CSMD3: variants seen among roughly 807,000 people sequenced by gnomAD.
CSMD3 encodes the protein CUB and Sushi multiple domains 3.
Under a neutral mutation model 435.2 loss-of-function variants are expected in CSMD3, and 177 were observed. That is an observed-to-expected ratio of 0.41 (90% CI 0.36 to 0.46). CSMD3 has a LOEUF of 0.46. CSMD3 is among the 20% of genes least tolerant of loss of function. CSMD3 has a pLI of 0.34. For missense variants in CSMD3, 4,265 were observed against 4,504.6 expected (o/e 0.95, Z 1.52); for synonymous variants, 1,656 against 1,520.5 (o/e 1.09, Z -2.07).
intron 16 of CSMD3, among the ~76,000 whole-genome samples, chr8:112,671,380 G>A (rs957229675): frequency 6.6e-6 from 1 of 151,858 alleles, no homozygotes; most frequent in African/African-American, 2.4e-5. Context: ...CTCTCTCTGT[G>A]GGAGAGTGGG....
chr8:113,021,640 C>T (rs934609682), intron 5 of CSMD3, among the ~76,000 whole-genome samples: 1 of 151,918 alleles, frequency 6.6e-6, no homozygotes, highest in Non-Finnish European at 1.5e-5. Context: ...ACAAAATGTT[C>T]AATAAAAATG....
chr8:112,829,609 T>C, intron 12 of CSMD3, 77 bp downstream of exon 12: 1 of 811,512 alleles, frequency 1.2e-6, no homozygotes, highest in South Asian at 1.4e-5. Context: ...GAGCGATCAA[T>C]GTAAAACAAT....
chr8:112,545,742 C>T (rs1827130214), intron 27 of CSMD3, among the ~76,000 whole-genome samples: 1 of 151,990 alleles, frequency 6.6e-6, no homozygotes, highest in Non-Finnish European at 1.5e-5. Flanking sequence ...TCAGATGTAA[C>T]CATGCATTAT....
chr8:113,151,261 T>C (rs2091798722), intron 4 of CSMD3, among the ~76,000 whole-genome samples: 1 of 152,010 alleles, frequency 6.6e-6, no homozygotes, highest in African/African-American at 2.4e-5. Context: ...AATACTATTA[T>C]CTATTTTCTA....
At chr8:113,261,384 C>T (rs2093426070) in intron 3 of CSMD3, among the ~76,000 whole-genome samples, 1 of 152,082 alleles carries the variant, frequency 6.6e-6, no homozygotes, top group African/African-American at 2.4e-5. Flanking sequence ...CTCTAATTAG[C>T]ATGTATTTTT....
At chr8:112,916,634 A>G (rs1032382018) in intron 10 of CSMD3, among the ~76,000 whole-genome samples, 6 of 151,940 alleles carry the variant, frequency 3.9e-5, no homozygotes, top group Non-Finnish European at 8.8e-5. Context: ...AACTACAGAA[A>G]AACACCTGCT....
At chr8:113,305,528 A>G (rs1227368673) in intron 2 of CSMD3, among the ~76,000 whole-genome samples, 1 of 152,148 alleles carries the variant, frequency 6.6e-6, no homozygotes, top group Non-Finnish European at 1.5e-5. Flanking sequence ...AAGTGTTTAA[A>G]CTTGCTTATT....
At chr8:113,128,732 T>G (rs1330083816) in intron 4 of CSMD3, among the ~76,000 whole-genome samples, 1 of 152,074 alleles carries the variant, frequency 6.6e-6, no homozygotes, top group Admixed American at 6.6e-5. Flanking sequence ...TTCCAATAAC[T>G]GCTTATAATT....
chr8:112,435,087 G>C (rs1814174052), intron 32 of CSMD3, among the ~76,000 whole-genome samples: 1 of 152,078 alleles, frequency 6.6e-6, no homozygotes, highest in African/African-American at 2.4e-5. Context: ...TGAAGATTTT[G>C]CAGGGGAAAA....
chr8:112,906,579 C>T (rs1029918577), intron 10 of CSMD3, among the ~76,000 whole-genome samples: 3 of 151,496 alleles, frequency 2.0e-5, no homozygotes, highest in East Asian at 3.9e-4. Flanking sequence ...AAGGTTTGGG[C>T]CAGTGCAATA....
intron 13 of CSMD3, among the ~76,000 whole-genome samples, chr8:112,797,232 G>A (rs1210853175): frequency 1.3e-5 from 2 of 151,752 alleles, no homozygotes; most frequent in Non-Finnish European, 2.9e-5. Flanking sequence ...TATATGTTTT[G>A]GAGTCCTAAG....
chr8:112,420,219 A>G (rs1439787351), intron 32 of CSMD3, among the ~76,000 whole-genome samples: 1 of 152,038 alleles, frequency 6.6e-6, no homozygotes, highest in East Asian at 1.9e-4. Context: ...CCATCACCCA[A>G]CTTCAACACT....
intron 2 of CSMD3, chr8:113,310,468 A>G (rs2093859128): frequency 6.6e-6 from 1 of 151,998 alleles, no homozygotes; most frequent in Admixed American, 6.6e-5. Flanking sequence ...CAAAAAGGAA[A>G]TATTTACATG....
chr8:113,085,784 G>A (rs1432242663), intron 5 of CSMD3, among the ~76,000 whole-genome samples: 2 of 152,186 alleles, frequency 1.3e-5, no homozygotes, highest in African/African-American at 2.4e-5. Flanking sequence ...AGTGTAAGAG[G>A]AGAGTGCTAG....
intron 4 of CSMD3, among the ~76,000 whole-genome samples, chr8:113,147,014 T>C (rs1034672697): frequency 6.6e-6 from 1 of 151,696 alleles, no homozygotes; most frequent in Admixed American, 6.6e-5. Context: ...TGTGTACTAC[T>C]AGAATGTTTA....
In CSMD3 at chr8:112,934,799, A is replaced by C. The variant is rs138446157; in HGVS notation, c.1508+12991T>G. On this transcript the variant is annotated intron_variant, in intron 9 of 70. Coordinates refer to ENST00000297405, the MANE Select transcript of CSMD3 (RefSeq NM_198123.2). ...AAATATTTGGGAACTTCTTGTGCTA[A>C]AACTTTGCACGTCACTCTGTGAATC... 3.1e-3 allele frequency among the ~76,000 whole-genome samples: 471 copies of C among 152,278 alleles called. 1 individual carries two copies. Among genetic ancestry groups the C allele is most frequent in the African/African-American group, 0.011 (437 of 41,572 alleles).
chr8:112,356,288 C>G (rs2131086058), intron 38 of CSMD3, among the ~76,000 whole-genome samples: 1 of 152,118 alleles, frequency 6.6e-6, no homozygotes, highest in East Asian at 1.9e-4. Flanking sequence ...AGGTGCCCAT[C>G]ATTAAATAAT....
chr8:113,264,321 C>A (rs909265787), intron 3 of CSMD3, among the ~76,000 whole-genome samples: 1 of 151,280 alleles, frequency 6.6e-6, no homozygotes, highest in Admixed American at 6.6e-5. Context: ...GAAATAATCA[C>A]TCTATCAAAC....
intron 30 of CSMD3, among the ~76,000 whole-genome samples, chr8:112,494,280 C>A (rs748645059): frequency 1.4e-4 from 21 of 150,592 alleles, no homozygotes; most frequent in Admixed American, 4.0e-4. Context: ...TTCCTTCCTT[C>A]CTCTCTCTCT....
Sources: allele counts gnomAD v4.1 joint callset (sites outside exome capture counted in the v4.1 genomes callset), GRCh38; gene constraint gnomAD v4.1.1; transcripts MANE v1.5; gene names NCBI Gene and HGNC (gene_info 2026-07-23, HGNC 2026-07-21).